The following GRM4 variants were observed in gnomAD, a reference collection of about 807,000 sequenced individuals.
The protein encoded by GRM4 is metabotropic glutamate receptor 4.
Under a neutral mutation model 81.7 loss-of-function variants are expected in GRM4, and 28 were observed. That is an observed-to-expected ratio of 0.34 (90% confidence interval 0.25 to 0.47). GRM4 has a LOEUF of 0.47. Ranked by LOEUF, GRM4 falls within the 20% of genes least tolerant of loss-of-function variation. The probability of loss-of-function intolerance (pLI) is 1.00; values close to 1 mark genes in which losing one functional copy is unlikely to be tolerated. For synonymous variants in GRM4, 488 were observed against 528.8 expected, an observed-to-expected ratio of 0.92 and a Z score of 1.06; for missense variants, 948 against 1,290.0, an observed-to-expected ratio of 0.73 and a Z score of 4.06.
chr6:34,097,142 G>T (rs1768569120), intron 2 of GRM4, among the ~76,000 whole-genome samples: 1 of 152,216 alleles, frequency 6.6e-6, no homozygotes. Flanking sequence ...TCATGCAGAG[G>T]TGCATCATAA....
In GRM4 at chr6:34,115,090, CT is replaced by C. The variant is rs1267848578; in HGVS notation, c.519+17887del. ...AGCTGTCCCCAGATGCTGCTAACCT[CT>C]CCTCAGGGGTTGCCTGGGTGCAAAG... is the stretch of plus-strand genomic sequence containing the variant. On this transcript the variant is annotated intron_variant, in intron 2 of 10. Coordinates refer to ENST00000538487, the MANE Select transcript of GRM4 (RefSeq NM_000841.4). This position sits in a 1 kb window ranked among gnomAD's most constrained non-coding sequence, Gnocchi z 4.1. Among the ~76,000 whole-genome samples the C allele has an allele frequency of 2.0e-5, 3 of 152,222 alleles. No individual in the cohort carries two copies. Among genetic ancestry groups the C allele is most frequent in the Admixed American group, 6.5e-5 (1 of 15,290 alleles).
Position 34,136,205 on chromosome 6 carries a change from A to T in GRM4, c.-363-2346T>A, listed in dbSNP as rs1770448482. On this transcript the variant is annotated intron_variant, in intron 1 of 10. Coordinates refer to ENST00000538487, the MANE Select transcript of GRM4 (RefSeq NM_000841.4). This position sits in a 1 kb window ranked among gnomAD's most constrained non-coding sequence, Gnocchi z 4.1. ...TATTTTTATCCCTATCTCACAGATG[A>T]GGAAGCCAAGGCACCAAGTGCTTAA... 6.6e-6 allele frequency among the ~76,000 whole-genome samples: 1 copy of T among 152,180 alleles called. No individual in the cohort carries two copies. The highest frequency in any genetic ancestry group is 6.5e-5 in the Admixed American group (1 of 15,286).
intron 10 of GRM4, among the ~76,000 whole-genome samples, chr6:34,026,040 G>C (rs1764116116): frequency 6.6e-6 from 1 of 152,212 alleles, no homozygotes; most frequent in Non-Finnish European, 1.5e-5. Flanking sequence ...CTGGTTTTCA[G>C]TTGCCGGAGG....
chr6:34,077,878 C>G (rs937625434), intron 3 of GRM4, among the ~76,000 whole-genome samples: 11 of 152,204 alleles, frequency 7.2e-5, no homozygotes, highest in Non-Finnish European at 1.2e-4. Flanking sequence ...GTCTCAATCA[C>G]TGCACTTCGC....
rs937708071 is a variant in GRM4 at position 34,070,328 on chromosome 6, G to A, written c.737-8300C>T. 1.3e-5 allele frequency among the ~76,000 whole-genome samples: 2 copies of A among 152,122 alleles called. No homozygotes were observed. Among genetic ancestry groups the A allele is most frequent in the African/African-American group, 4.8e-5 (2 of 41,426 alleles). Reference sequence around the variant, plus strand: ...CTCCCTCCGTCCTGCCTTCTGCTGGGATTTTACTTTCTCCACCAAGACATC... The same window carrying A: ...CTCCCTCCGTCCTGCCTTCTGCTGGAATTTTACTTTCTCCACCAAGACATC... On this transcript the variant is annotated intron_variant, in intron 3 of 10. Coordinates refer to ENST00000538487, the MANE Select transcript of GRM4 (RefSeq NM_000841.4). This position sits in a 1 kb window ranked among gnomAD's most constrained non-coding sequence, Gnocchi z 4.6.
chr6:34,108,596 A>T (rs1298712420), intron 2 of GRM4, among the ~76,000 whole-genome samples: 4 of 152,178 alleles, frequency 2.6e-5, no homozygotes, highest in Non-Finnish European at 2.9e-5. Context: ...CTCAGCCCAG[A>T]AATCCAGCCT....
rs555670130 is a variant in GRM4 at position 34,128,995 on chromosome 6, G to A, written c.519+3983C>T. Among the ~76,000 whole-genome samples, 19 of 151,518 alleles carry A rather than the reference G, an allele frequency of 1.3e-4. No homozygotes were observed. In the East Asian group the frequency reaches 3.3e-3, roughly 26 times the overall value. ...GTCTCCAGTCTGCTCTTCCTCCCCC[G>A]AACAATGACTTTTCAGGAAAAGGTA... On this transcript the variant is annotated intron_variant, in intron 2 of 10. Coordinates refer to ENST00000538487, the MANE Select transcript of GRM4 (RefSeq NM_000841.4).
At chr6:34,095,824 G>A (rs1768488799) in intron 2 of GRM4, among the ~76,000 whole-genome samples, 1 of 152,182 alleles carries the variant, frequency 6.6e-6, no homozygotes, top group Admixed American at 6.5e-5. Context: ...CCCTGGAGTG[G>A]AGGGATCGGG....
intron 3 of GRM4, among the ~76,000 whole-genome samples, chr6:34,088,473 T>A (rs1275964358): frequency 2.0e-5 from 3 of 152,140 alleles, no homozygotes; most frequent in African/African-American, 4.8e-5. Flanking sequence ...GATAAGAAAC[T>A]GAGCCCAGAA....
At position 34,111,466 on chromosome 6, in the gene GRM4, G is replaced by A. The variant is rs563679647; in HGVS notation, c.520-19367C>T. ...GGAGGCAGCATTAACAGTGTATTTT[G>A]GGGAGCACAAGAGAGTGTTCATAAC... On this transcript the variant is annotated intron_variant, in intron 2 of 10. Coordinates refer to ENST00000538487, the MANE Select transcript of GRM4 (RefSeq NM_000841.4). This position sits in a 1 kb window ranked among gnomAD's most constrained non-coding sequence, Gnocchi z 5.1. Among the ~76,000 whole-genome samples the A allele has an allele frequency of 6.6e-6, 1 of 152,282 alleles. No homozygotes were observed. Among genetic ancestry groups the A allele is most frequent in the East Asian group, 1.9e-4 (1 of 5,182 alleles).
chr6:34,083,992 G>A (rs551706501), intron 3 of GRM4, among the ~76,000 whole-genome samples: 4 of 152,280 alleles, frequency 2.6e-5, no homozygotes, highest in East Asian at 3.9e-4. Flanking sequence ...AGGCCTTGCC[G>A]GACGCTTCCT....
chr6:34,080,396 G>A lies in GRM4; in HGVS notation c.736+11487C>T, dbSNP rs1767523896. On this transcript the variant is annotated intron_variant, in intron 3 of 10. Coordinates refer to ENST00000538487, the MANE Select transcript of GRM4 (RefSeq NM_000841.4). The surrounding 1 kb of genome is among the most constrained non-coding windows in gnomAD (Gnocchi z 5.4). ...TGCTTATTCACTGGAAGCTCCTCCT[G>A]CCCTTTCCCCAAGTGTGAGCCCCAC... Among the ~76,000 whole-genome samples, 1 of 152,160 alleles carries A rather than the reference G, an allele frequency of 6.6e-6. No individual in the cohort carries two copies. Among genetic ancestry groups the A allele is most frequent in the African/African-American group, 2.4e-5 (1 of 41,422 alleles).
At chr6:34,091,722 G>A in intron 3 of GRM4, 161 bp downstream of exon 3, 1 of 615,568 alleles carries the variant, frequency 1.6e-6, no homozygotes, top group Non-Finnish European at 2.9e-6. Flanking sequence ...TGAGGCCATG[G>A]ACCAAACCAC....
chr6:34,025,668 T>A (rs1764098701), intron 10 of GRM4, among the ~76,000 whole-genome samples: 1 of 152,028 alleles, frequency 6.6e-6, no homozygotes, highest in East Asian at 1.9e-4. Flanking sequence ...ACAGTGAGGC[T>A]CCAAGGGAAA....
At chr6:34,088,411 C>T (rs1268505455) in intron 3 of GRM4, among the ~76,000 whole-genome samples, 1 of 152,164 alleles carries the variant, frequency 6.6e-6, no homozygotes, top group Non-Finnish European at 1.5e-5. Context: ...TGTGAGCCAC[C>T]GTACCCGACC....
rs367888602 is a variant in GRM4 at position 34,057,650 on chromosome 6, G to A, written c.1028-966C>T. On this transcript the variant is annotated intron_variant, in intron 5 of 10. Coordinates refer to ENST00000538487, the MANE Select transcript of GRM4 (RefSeq NM_000841.4). ...AAATTGCCAAATATCCCCTTGGGGGGCAAAATCGCCCCCAGATAAGGACCA... is the reference window on the plus strand; with the variant it reads ...AAATTGCCAAATATCCCCTTGGGGGACAAAATCGCCCCCAGATAAGGACCA... Among the ~76,000 whole-genome samples the A allele has an allele frequency of 1.1e-4, 17 of 152,362 alleles. No homozygotes were observed. In the South Asian group the frequency reaches 3.1e-3, roughly 28 times the overall value.
intron 2 of GRM4, among the ~76,000 whole-genome samples, chr6:34,093,005 C>T (rs1768322644): frequency 6.6e-6 from 1 of 152,216 alleles, no homozygotes; most frequent in African/African-American, 2.4e-5. Flanking sequence ...GCTCCACTCC[C>T]CGCTTGGCCC....
At chr6:34,103,502 G>A (rs903332767) in intron 2 of GRM4, 29 of 1,145,938 alleles carry the variant, frequency 2.5e-5, no homozygotes, top group Admixed American at 4.0e-5. Context: ...GGCGGCGGGC[G>A]AGGGAGAGCA....
upstream of GRM4, among the ~76,000 whole-genome samples, chr6:34,150,050 A>ATAAT (rs1455120102): frequency 2.6e-5 from 4 of 152,158 alleles, no homozygotes; most frequent in Admixed American, 2.6e-4. Context: ...CATTTGCACC[A>ATAAT]TAATATCTTT....
Sources: gnomAD v4.1 joint callset for allele counts (sites outside exome capture counted in the v4.1 genomes callset) on GRCh38, gnomAD v4.1.1 for gene constraint, Gnocchi (gnomAD v3.1) non-coding constraint, MANE v1.5 for transcripts, NCBI Gene and HGNC (gene_info 2026-07-23, HGNC 2026-07-21) for gene names.